EGLN1: variants seen among roughly 807,000 people sequenced by gnomAD.
The protein encoded by EGLN1 is egl-9 family hypoxia inducible factor 1, also known as egl nine homolog 1.
Under a neutral mutation model 38.3 loss-of-function variants are expected in EGLN1, and 17 were observed. The observed-to-expected ratio is 0.44, with a 90% CI of 0.30 to 0.67. The LOEUF is 0.67. Among genes scored for constraint, EGLN1 ranks in the 30% least tolerant of loss-of-function variants. The pLI is 0.08. For missense variants in EGLN1, 477 were observed against 603.3 expected, an observed-to-expected ratio of 0.79 and a Z score of 2.19; for synonymous variants, 283 against 257.5, an observed-to-expected ratio of 1.10 and a Z score of -0.95.
intron 1 of EGLN1, among the ~76,000 whole-genome samples, chr1:231,414,733 C>CTTTTTT (rs71179779): frequency 2.3e-5 from 3 of 129,534 alleles, no homozygotes; most frequent in Admixed American, 8.1e-5. Context: ...AATCCCAGCA[C>CTTTTTT]TTTTTTTTTT....
At chr1:231,380,641 G>C (rs1338133175) in intron 1 of EGLN1, among the ~76,000 whole-genome samples, 1 of 152,054 alleles carries the variant, frequency 6.6e-6, no homozygotes, top group Admixed American at 6.6e-5. Context: ...AAAGCTTTCT[G>C]ATTGCTGAAA....
chr1:231,392,556 G>C (rs756353729), intron 1 of EGLN1, among the ~76,000 whole-genome samples: 3 of 152,154 alleles, frequency 2.0e-5, no homozygotes, highest in Non-Finnish European at 2.9e-5. Flanking sequence ...TGGTAATAGA[G>C]AGGGTGAGGT....
At chr1:231,402,402 T>C (rs1377289151) in intron 1 of EGLN1, among the ~76,000 whole-genome samples, 2 of 152,118 alleles carry the variant, frequency 1.3e-5, no homozygotes, top group East Asian at 3.9e-4. Context: ...TTTTCTCTGA[T>C]GTTTTCTTTT....
chr1:231,422,091 GC>G lies in EGLN1; in HGVS notation c.-204del. 2.3e-6 allele frequency: 1 copy of G among 442,156 alleles called. No individual in the cohort carries two copies. The highest frequency in any genetic ancestry group is 3.8e-6 in the Non-Finnish European group (1 of 265,450). 27.4% of individuals were successfully genotyped at this position (442,156 alleles called of 1,614,324 possible). A position where few individuals can be genotyped will look rare whatever the true frequency, so the allele number is the denominator to read the frequency against. On this transcript the variant is annotated 5_prime_UTR_variant, in exon 1 of 5. Transcript: ENST00000366641. ...AGTCCTAAGCTCCGGCGCAGCGCCG[GC>G]AGCCGCCTCAGCGCCTCATCGCCGC...
At chr1:231,373,235 C>T (rs1191953676) in intron 2 of EGLN1, among the ~76,000 whole-genome samples, 1 of 152,008 alleles carries the variant, frequency 6.6e-6, no homozygotes, top group Non-Finnish European at 1.5e-5. Flanking sequence ...AAGACTGAAT[C>T]CTGCCTCCAA....
intron 1 of EGLN1, among the ~76,000 whole-genome samples, chr1:231,377,986 CAGTAT>C (rs1478519764): frequency 6.6e-6 from 1 of 152,052 alleles, no homozygotes; most frequent in Non-Finnish European, 1.5e-5. Context: ...CTATAATTCC[CAGTAT>C]AGCTCAATTA....
Position 231,395,128 on chromosome 1 carries a change from C to G in EGLN1, c.892-21029G>C, listed in dbSNP as rs1311440365. On this transcript the variant is annotated intron_variant, in intron 1 of 4. Coordinates refer to ENST00000366641, the MANE Select transcript of EGLN1 (RefSeq NM_022051.3). ...CTCACCTCCTCAGAGATCTTTTACT[C>G]TAAGTCAACATTTGTTGCTTCTTTA... 1.3e-5 allele frequency among the ~76,000 whole-genome samples: 2 copies of G among 152,218 alleles called. 1 individual carries two copies. The highest frequency in any genetic ancestry group is 4.8e-5 in the African/African-American group (2 of 41,456).
At chr1:231,399,893 G>A (rs1259099853) in intron 1 of EGLN1, among the ~76,000 whole-genome samples, 1 of 152,066 alleles carries the variant, frequency 6.6e-6, no homozygotes, top group African/African-American at 2.4e-5. Context: ...CCTTTTACAA[G>A]GGGAATAACA....
intron 1 of EGLN1, among the ~76,000 whole-genome samples, chr1:231,413,786 A>T (rs74623753): frequency 0.014 from 2,206 of 152,176 alleles, 24 homozygotes; most frequent in Non-Finnish European, 0.022. Flanking sequence ...CTCAGAAAAT[A>T]TAACAAAGGG....
At chr1:231,387,396 G>A (rs1309731171) in intron 1 of EGLN1, among the ~76,000 whole-genome samples, 1 of 134,190 alleles carries the variant, frequency 7.5e-6, no homozygotes, top group Non-Finnish European at 1.5e-5. Context: ...GTCTCGCTCT[G>A]TCGCCCAGGC....
intron 1 of EGLN1, among the ~76,000 whole-genome samples, chr1:231,406,768 T>A (rs1688807694): frequency 6.6e-6 from 1 of 151,958 alleles, no homozygotes; most frequent in Non-Finnish European, 1.5e-5. Flanking sequence ...TCATTTTGAG[T>A]GTGAGAAAGT....
intron 1 of EGLN1, among the ~76,000 whole-genome samples, chr1:231,383,533 G>C (rs1688124622): frequency 6.6e-6 from 1 of 152,192 alleles, no homozygotes; most frequent in African/African-American, 2.4e-5. Flanking sequence ...GACAAAAATA[G>C]AAGTTTTCCA....
intron 3 of EGLN1, 37 bp from the exon 4 acceptor site, chr1:231,367,673 A>G: frequency 2.5e-6 from 4 of 1,587,942 alleles, no homozygotes; most frequent in Non-Finnish European, 3.5e-6. Flanking sequence ...GAATGATCAC[A>G]CTGCGGGGAA....
At chr1:231,388,328 T>C (rs896727316) in intron 1 of EGLN1, among the ~76,000 whole-genome samples, 12 of 152,300 alleles carry the variant, frequency 7.9e-5, no homozygotes, top group African/African-American at 2.9e-4. Context: ...TGAAAAATAT[T>C]CTCACATATG....
At chr1:231,369,049 G>A (rs1687743892) in intron 3 of EGLN1, among the ~76,000 whole-genome samples, 1 of 152,118 alleles carries the variant, frequency 6.6e-6, no homozygotes, top group Non-Finnish European at 1.5e-5. Flanking sequence ...CTTACCTTAT[G>A]TCATTCTAAC....
intron 1 of EGLN1, 146 bp downstream of exon 1, chr1:231,420,852 G>C (rs1656562855): frequency 1.3e-6 from 2 of 1,515,428 alleles, no homozygotes; most frequent in Non-Finnish European, 1.8e-6. Flanking sequence ...AATTCTGTCC[G>C]TCTTCCTTAC....
At chr1:231,414,998 T>G (rs1032697716) in intron 1 of EGLN1, among the ~76,000 whole-genome samples, 1 of 152,026 alleles carries the variant, frequency 6.6e-6, no homozygotes, top group African/African-American at 2.4e-5. Flanking sequence ...CCTCCCAAAG[T>G]GCTAGGATTA....
At position 231,366,185 on chromosome 1, in the gene EGLN1, G is replaced by T; in HGVS notation, c.*226C>A. 1 of 577,652 alleles carries T rather than the reference G, an allele frequency of 1.7e-6. No individual in the cohort carries two copies. The highest frequency in any genetic ancestry group is 2.3e-5 in the South Asian group (1 of 43,386). 35.8% of individuals were successfully genotyped at this position (577,652 alleles called of 1,614,324 possible). A position where few individuals can be genotyped will look rare whatever the true frequency, so the allele number is the denominator to read the frequency against. On this transcript the variant is annotated 3_prime_UTR_variant, in exon 5 of 5. Transcript: ENST00000366641. ...ATGTAAAAACCATTTTCAATTAGTA[G>T]CTTATCTTCCTCCTGTAAGCAATCA...
intron 1 of EGLN1, among the ~76,000 whole-genome samples, chr1:231,389,604 AC>A (rs1055065096): frequency 3.1e-4 from 47 of 152,316 alleles, no homozygotes; most frequent in African/African-American, 1.1e-3. Context: ...ACTGCTTTTC[AC>A]CTTCACAAAA....
Sources: gnomAD v4.1 joint callset for allele counts (sites outside exome capture counted in the v4.1 genomes callset) on GRCh38, gnomAD v4.1.1 for gene constraint, MANE v1.5 for transcripts, NCBI Gene and HGNC (gene_info 2026-07-23, HGNC 2026-07-21) for gene names.